Variants in LRRIQ3 observed in about 807,000 individuals in gnomAD.
LRRIQ3 encodes the protein leucine-rich repeat and IQ domain-containing protein 3.
LRRIQ3 carries 75 observed loss-of-function variants against 59.3 expected under a neutral mutation model. The observed-to-expected ratio is 1.26, with a 90% CI of 1.05 to 1.53. LRRIQ3 has a LOEUF of 1.53. Ranked by LOEUF, LRRIQ3 falls within the 40% of genes most tolerant of loss-of-function variation. LRRIQ3 has a pLI of 0.00. For synonymous variants in LRRIQ3, 250 were observed against 231.3 expected (o/e 1.08, Z -0.73); for missense variants, 831 against 710.0 (o/e 1.17, Z -1.94).
At chr1:74,152,859 C>T (rs892668547) in intron 4 of LRRIQ3, among the ~76,000 whole-genome samples, 2 of 152,006 alleles carry the variant, frequency 1.3e-5, no homozygotes, top group East Asian at 1.9e-4. Context: ...TATTTACATG[C>T]GGTTTCATCT....
At position 74,111,956 on chromosome 1, in the gene LRRIQ3, G is replaced by A. The variant is rs1646701536; in HGVS notation, c.708-2403C>T. On this transcript the variant is annotated intron_variant, in intron 4 of 7. Transcript: ENST00000354431. ...CAGGAAAGAATAGTTGAGAGGTCTG[G>A]GGCTTTCTTCATCCCTCCAGCTCCC... 2.6e-5 allele frequency among the ~76,000 whole-genome samples: 4 copies of A among 152,040 alleles called. No homozygotes were observed. In the South Asian group the frequency reaches 8.3e-4, roughly 32 times the overall value.
intron 6 of LRRIQ3, among the ~76,000 whole-genome samples, chr1:74,042,988 G>T (rs1265075430): frequency 6.6e-6 from 1 of 152,068 alleles, no homozygotes; most frequent in Non-Finnish European, 1.5e-5. Flanking sequence ...TCATGGACCA[G>T]AATCATCCAA....
At chr1:74,149,684 A>G (rs1452640763) in intron 4 of LRRIQ3, among the ~76,000 whole-genome samples, 1 of 151,970 alleles carries the variant, frequency 6.6e-6, no homozygotes, top group Non-Finnish European at 1.5e-5. Context: ...TACTTTTCTT[A>G]TTCCCCTTTA....
chr1:74,084,602 T>C (rs1646307499), intron 5 of LRRIQ3, among the ~76,000 whole-genome samples: 1 of 151,704 alleles, frequency 6.6e-6, no homozygotes, highest in Non-Finnish European at 1.5e-5. Flanking sequence ...AGATCTTATG[T>C]AAAACTCCAA....
rs1653527072 is a variant in LRRIQ3 at position 74,026,774 on chromosome 1, ATAATT to A, written c.*34_*38del. The A allele has an allele frequency of 6.6e-7, 1 of 1,517,280 alleles. No homozygotes were observed. Among genetic ancestry groups the A allele is most frequent in the African/African-American group, 1.4e-5 (1 of 71,208 alleles). The allele number at this position is 1,517,280 out of a possible 1,614,324, so 94.0% of individuals were successfully genotyped here. ...ATTCCTTCAACTAAAAATAATGACT[ATAATT>A]TAAGATGATCATAGGATGTGATCTG... On this transcript the variant is annotated 3_prime_UTR_variant, in exon 8 of 8. Transcript: ENST00000354431.
At chr1:74,134,625 A>G (rs1647089283) in intron 4 of LRRIQ3, among the ~76,000 whole-genome samples, 1 of 151,968 alleles carries the variant, frequency 6.6e-6, no homozygotes, top group South Asian at 2.1e-4. Flanking sequence ...AGGAAGGTAG[A>G]GGGATTTAAG....
chr1:74,097,510 G>A (rs1441466640), intron 5 of LRRIQ3, among the ~76,000 whole-genome samples: 2 of 152,092 alleles, frequency 1.3e-5, no homozygotes, highest in African/African-American at 2.4e-5. Context: ...AACTTCCCCA[G>A]CCTAGAAAGG....
At position 74,155,741 on chromosome 1, in the gene LRRIQ3, T is replaced by G; in HGVS notation, c.699A>C (p.Lys233Asn). 6.4e-7 allele frequency: 1 copy of G among 1,570,054 alleles called. No homozygotes were observed. The highest frequency in any genetic ancestry group is 8.6e-7 in the Non-Finnish European group (1 of 1,166,412). The change falls in exon 4 of 8, where the codon AAA becomes AAC. Residue 233 changes from lysine to asparagine, a missense_variant. Physicochemically the swap from Lys to Asn is moderately conservative, Grantham distance 94. Transcript: ENST00000354431. ...QRWIRGFLVR[K>N]NLSPVFFHKK... The stretch of plus-strand genomic sequence containing the variant: ...AAGAAAACAAAACATACCTCAAATT[T>G]TTTCTAACTAAGAAACCACGTATCC...
chr1:74,161,880 T>C (rs1040158999), intron 3 of LRRIQ3, among the ~76,000 whole-genome samples: 1 of 151,854 alleles, frequency 6.6e-6, no homozygotes, highest in African/African-American at 2.4e-5. Flanking sequence ...ATTTTACAAA[T>C]GCCATAAACC....
At chr1:74,055,534 C>T (rs1198703035) in intron 6 of LRRIQ3, among the ~76,000 whole-genome samples, 3 of 152,078 alleles carry the variant, frequency 2.0e-5, no homozygotes, top group Non-Finnish European at 4.4e-5. Context: ...TTTCATTCCT[C>T]TTTGTAATTG....
chr1:74,194,084 G>A (rs1468541721), intron 1 of LRRIQ3, among the ~76,000 whole-genome samples: 1 of 151,936 alleles, frequency 6.6e-6, no homozygotes, highest in Non-Finnish European at 1.5e-5. Context: ...AATTGCCATG[G>A]GCCGGTGCAG....
In LRRIQ3 at chr1:74,041,789, T is replaced by G. The variant is rs774574720; in HGVS notation, c.1142A>C (p.Tyr381Ser). 1 of 1,613,576 alleles carries G rather than the reference T, an allele frequency of 6.2e-7. No individual in the cohort carries two copies. The highest frequency in any genetic ancestry group is 8.5e-7 in the Non-Finnish European group (1 of 1,179,768). The change falls in exon 7 of 8, where the codon TAT becomes TCT. Residue 381 changes from tyrosine (Y) to serine (S), a missense_variant. Tyr to Ser is a moderately radical substitution (Grantham distance 144). Coordinates refer to ENST00000354431, the MANE Select transcript of LRRIQ3 (RefSeq NM_001105659.2). ...REKKQHFFPA[Y>S]PQPIYTTHPK... ...ATGAGTAGTATAGATTGGCTGAGGA[T>G]ATGCAGGAAAAAAATGTTGTTTTTT... is the stretch of plus-strand genomic sequence containing the variant.
At chr1:74,183,392 G>T in intron 2 of LRRIQ3, 44 bp downstream of exon 2, 1 of 1,487,350 alleles carries the variant, frequency 6.7e-7, no homozygotes. Flanking sequence ...TTATAAGACT[G>T]AAATTTCGTT....
intron 4 of LRRIQ3, among the ~76,000 whole-genome samples, chr1:74,146,861 A>G (rs1647601976): frequency 6.6e-6 from 1 of 152,250 alleles, no homozygotes; most frequent in African/African-American, 2.4e-5. Flanking sequence ...AAAAATTCAC[A>G]GTAAGTAGGA....
intron 4 of LRRIQ3, among the ~76,000 whole-genome samples, chr1:74,134,199 A>G (rs929514045): frequency 1.3e-5 from 2 of 152,074 alleles, no homozygotes; most frequent in Non-Finnish European, 2.9e-5. Context: ...AAAATTTCCC[A>G]AAATTACCAT....
intron 3 of LRRIQ3, among the ~76,000 whole-genome samples, chr1:74,169,302 A>G (rs992092729): frequency 1.3e-5 from 2 of 151,896 alleles, no homozygotes; most frequent in Non-Finnish European, 2.9e-5. Flanking sequence ...TGTATAGTTT[A>G]TTTCTGTATT....
intron 7 of LRRIQ3, among the ~76,000 whole-genome samples, chr1:74,029,497 C>T (rs545742800): frequency 6.6e-5 from 10 of 151,944 alleles, no homozygotes; most frequent in African/African-American, 1.7e-4. Context: ...TGCTGGATTA[C>T]GTTTATTGAT....
intron 7 of LRRIQ3, among the ~76,000 whole-genome samples, chr1:74,028,411 TA>T (rs1653586306): frequency 6.6e-6 from 1 of 152,082 alleles, no homozygotes; most frequent in Non-Finnish European, 1.5e-5. Flanking sequence ...AGTGGGTTGA[TA>T]CATTAAAAAT....
Position 74,041,488 on chromosome 1 carries a change from G to C in LRRIQ3, c.1443C>G (p.Asn481Lys). Residue 481 changes from asparagine to lysine, a missense_variant, in exon 7 of 8, where the codon AAC becomes AAG. By Grantham distance (94) the Asn-to-Lys change is moderately conservative. Coordinates refer to ENST00000354431, the MANE Select transcript of LRRIQ3 (RefSeq NM_001105659.2). ...TGTTTTGCCAAACTTGTCGTAAACT[G>C]TTCTGAATTGTCTCTTTATTTTCTT... is the stretch of plus-strand genomic sequence containing the variant. ...LIEENKETIQNSLRQVWQNRF... is the reference protein window; with the variant it reads ...LIEENKETIQKSLRQVWQNRF... 1 of 1,612,564 alleles carries C rather than the reference G, an allele frequency of 6.2e-7. No homozygotes were observed. The highest frequency in any genetic ancestry group is 8.5e-7 in the Non-Finnish European group (1 of 1,179,622).
Sources: gnomAD v4.1 joint callset for allele counts (sites outside exome capture counted in the v4.1 genomes callset) on GRCh38, gnomAD v4.1.1 for gene constraint, MANE v1.5 for transcripts, NCBI Gene and HGNC (gene_info 2026-07-23, HGNC 2026-07-21) for gene names.